The following RAD51D variants were observed in gnomAD, a reference collection of about 807,000 sequenced individuals.
The protein encoded by RAD51D is DNA repair protein RAD51 homolog 4.
RAD51D carries 38 observed loss-of-function variants against 44.1 expected under a neutral mutation model. That is an observed-to-expected ratio of 0.86 (90% confidence interval 0.67 to 1.13). The LOEUF is 1.13. RAD51D is among the 50% of genes most tolerant of loss of function. The pLI is 0.00. For missense variants in RAD51D, 390 were observed against 414.0 expected, an observed-to-expected ratio of 0.94 and a Z score of 0.50; for synonymous variants, 141 against 166.6, an observed-to-expected ratio of 0.85 and a Z score of 1.18.
intron 3 of RAD51D, among the ~76,000 whole-genome samples, chr17:35,116,258 C>T (rs1224489765): frequency 6.6e-6 from 1 of 152,174 alleles, no homozygotes; most frequent in Admixed American, 6.5e-5. Context: ...TGCCACCCTT[C>T]CACCCTGCAC....
rs921214343 is a variant in RAD51D, at chr17:35,107,012, A to G, written c.456T>C (p.Ala152=). ...TASRLLQLLQ[A]KTQDEEEQAE... ...CCTGTTCCTCCTCATCCTGGGTTTT[A>G]GCCTGAAGCAGCTGGAGGAGGCGGG... The change falls in exon 5 of 10, where the codon GCT becomes GCC. Residue 152 remains alanine (A), a synonymous_variant. Coordinates refer to ENST00000345365, the MANE Select transcript of RAD51D (RefSeq NM_002878.4). The G allele has an allele frequency of 2.5e-6, 4 of 1,614,178 alleles. No homozygotes were observed. Among genetic ancestry groups the G allele is most frequent in the Non-Finnish European group, 3.4e-6 (4 of 1,180,032 alleles).
chr17:35,100,823 T>A lies in RAD51D; in HGVS notation c.*130A>T, dbSNP rs28363292. ...GAGAGTGAGGCCAAGGAACCCAAGA[T>A]GTCTCTTCTGGCCAGCCTGAGAACG... On this transcript the variant is annotated 3_prime_UTR_variant, in exon 10 of 10. Transcript: ENST00000345365. 3.8e-6 allele frequency: 3 copies of A among 785,946 alleles called. No individual in the cohort carries two copies. The highest frequency in any genetic ancestry group is 4.5e-6 in the Non-Finnish European group (2 of 444,632). 48.7% of individuals were successfully genotyped at this position (785,946 alleles called of 1,614,324 possible).
rs531302645 is a variant in RAD51D at position 35,107,212 on chromosome 17, C to G, written c.346-90G>C. 7.0e-5 allele frequency: 108 copies of G among 1,541,272 alleles called. No homozygotes were observed. The African/African-American group carries it at 1.2e-3, about 17-fold the overall frequency. The stretch of plus-strand genomic sequence containing the variant: ...AAACCTTGCCCAGATTCCAGCAACA[C>G]AAATGGGCTGAGTCCCGACCCCATT... On this transcript the variant is annotated intron_variant, in intron 4 of 9. Transcript: ENST00000345365.
chr17:35,116,066 G>A (rs79636488), intron 3 of RAD51D, among the ~76,000 whole-genome samples: 5 of 100,644 alleles, frequency 5.0e-5, no homozygotes, highest in African/African-American at 1.7e-4. Context: ...TCCAAACTCC[G>A]ACAAAAAAAA....
At chr17:35,118,833 C>T (rs575686770) in intron 2 of RAD51D, among the ~76,000 whole-genome samples, 21 of 152,330 alleles carry the variant, frequency 1.4e-4, no homozygotes, top group African/African-American at 5.1e-4. Context: ...ACCTCTGCCT[C>T]CCGGGCTCAA....
rs2142436891 is a variant in RAD51D at position 35,107,405 on chromosome 17, C to G, written c.306G>C (p.Val102=). ...LLDAGLYTGE[V]TEIVGGPGSG... is the part of the protein sequence containing the mutation. ...TACCTGGGCCTCCTACAATTTCAGT[C>G]ACTTCTCCAGTATAGAGACCAGCAT... Residue 102 remains valine (V), a synonymous_variant, in exon 4 of 10, where the codon GTG becomes GTC. Coordinates refer to ENST00000345365, the MANE Select transcript of RAD51D (RefSeq NM_002878.4). 1 of 1,567,050 alleles carries G rather than the reference C, an allele frequency of 6.4e-7. No homozygotes were observed. Among genetic ancestry groups the G allele is most frequent in the Non-Finnish European group, 8.8e-7 (1 of 1,137,258 alleles).
intron 9 of RAD51D, 40 bp downstream of exon 9, chr17:35,101,161 A>C (rs2091531041): frequency 6.2e-7 from 1 of 1,613,144 alleles, no homozygotes; most frequent in Non-Finnish European, 8.5e-7. Flanking sequence ...ACCACCCTCC[A>C]GGGCCCAAGA....
At chr17:35,115,613 T>C (rs913044158) in intron 3 of RAD51D, among the ~76,000 whole-genome samples, 2 of 152,138 alleles carry the variant, frequency 1.3e-5, no homozygotes, top group African/African-American at 2.4e-5. Flanking sequence ...CTCACGCCTG[T>C]AATCCCAGCA....
At chr17:35,116,557 C>T (rs767272399) in intron 3 of RAD51D, among the ~76,000 whole-genome samples, 16 of 151,902 alleles carry the variant, frequency 1.1e-4, no homozygotes, top group Non-Finnish European at 1.8e-4. Context: ...TGCAGTGGTG[C>T]GATCTCCGCT....
rs370985702 is a variant in RAD51D at position 35,095,871 on chromosome 17, C to T, written c.*5082G>A. On this transcript the variant is annotated 3_prime_UTR_variant, in exon 10 of 10. Transcript: ENST00000345365. Reference sequence around the variant, plus strand: ...ACTGCAGCCTTAGTATGCAAACTAACTGAAAACCTAATTTAGGAGTATACT... The same window carrying T: ...ACTGCAGCCTTAGTATGCAAACTAATTGAAAACCTAATTTAGGAGTATACT... 1.3e-5 allele frequency: 2 copies of T among 152,310 alleles called. No homozygotes were observed. The highest frequency in any genetic ancestry group is 2.1e-4 in the South Asian group (1 of 4,830). The allele number at this position is 152,310 out of a possible 1,614,324, so 9.4% of individuals were successfully genotyped here. A position where few individuals can be genotyped will look rare whatever the true frequency, so the allele number is the denominator to read the frequency against.
rs1245108561 is a variant in RAD51D at position 35,097,218 on chromosome 17, C to A, written c.*3735G>T. ...CACTGCAACCTCCATCTCCCAGGTT[C>A]AAGCGATTCTCATGCCTCAGCCTCC... On this transcript the variant is annotated 3_prime_UTR_variant, in exon 10 of 10. Transcript: ENST00000345365. The A allele has an allele frequency of 6.6e-6, 1 of 152,146 alleles. No individual in the cohort carries two copies. The highest frequency in any genetic ancestry group is 6.6e-5 in the Admixed American group (1 of 15,250). The allele number at this position is 152,146 out of a possible 1,614,324, so 9.4% of individuals were successfully genotyped here.
rs561570054 is a variant in RAD51D at position 35,112,423 on chromosome 17, G to A, written c.264-4976C>T. On this transcript the variant is annotated intron_variant, in intron 3 of 9. Transcript: ENST00000345365. ...GAGACAGTTTCACTCTGTCACCCAG[G>A]TTGAAGTGCAGTGGCACAATATCCG... is the stretch of plus-strand genomic sequence containing the variant. Among the ~76,000 whole-genome samples, 35 of 152,080 alleles carry A rather than the reference G, an allele frequency of 2.3e-4. 1 individual carries two copies. The East Asian group carries it at 4.2e-3, about 18-fold the overall frequency.
At position 35,096,804 on chromosome 17, in the gene RAD51D, T is replaced by G. The variant is rs1020603559; in HGVS notation, c.*4149A>C. 2 of 152,196 alleles carry G rather than the reference T, an allele frequency of 1.3e-5. No homozygotes were observed. The highest frequency in any genetic ancestry group is 2.9e-5 in the Non-Finnish European group (2 of 68,038). The allele number at this position is 152,196 out of a possible 1,614,324, so 9.4% of individuals were successfully genotyped here. ...TGAGCTTGGGAGGTAGAGGGTACAG[T>G]GAGCCGTGATTGTGCCACTGCACTC... On this transcript the variant is annotated 3_prime_UTR_variant, in exon 10 of 10. Coordinates refer to ENST00000345365, the MANE Select transcript of RAD51D (RefSeq NM_002878.4).
rs143152962 is a variant in RAD51D, at chr17:35,096,508, C to T, written c.*4445G>A. Reference sequence around the variant, plus strand: ...AGAGCAGAAGGATGCAAAGGCTCTACGCCATTTGACAATGAGCCACTAAAT... The same window carrying T: ...AGAGCAGAAGGATGCAAAGGCTCTATGCCATTTGACAATGAGCCACTAAAT... On this transcript the variant is annotated 3_prime_UTR_variant, in exon 10 of 10. Transcript: ENST00000345365. 6.6e-6 allele frequency: 1 copy of T among 152,238 alleles called. No individual in the cohort carries two copies. The highest frequency in any genetic ancestry group is 1.5e-5 in the Non-Finnish European group (1 of 68,058). 9.4% of individuals were successfully genotyped at this position (152,238 alleles called of 1,614,324 possible). A position where few individuals can be genotyped will look rare whatever the true frequency, so the allele number is the denominator to read the frequency against.
chr17:35,106,628 G>A (rs2091608024), intron 5 of RAD51D, 147 bp from the exon 6 acceptor site: 2 of 718,424 alleles, frequency 2.8e-6, no homozygotes, highest in Admixed American at 4.0e-5. Context: ...TTGTCACAGT[G>A]GTGGCTGCCT....
rs1004854098 is a variant in RAD51D at position 35,095,821 on chromosome 17, G to A, written c.*5132C>T. On this transcript the variant is annotated 3_prime_UTR_variant, in exon 10 of 10. Transcript: ENST00000345365. ...AAAAGAAAAAAAAAATTGACCTGAG[G>A]AGGCTTTACTTGGGCCCTTAACAAA... 5.3e-5 allele frequency: 8 copies of A among 152,172 alleles called. No homozygotes were observed. Among genetic ancestry groups the A allele is most frequent in the Non-Finnish European group, 8.8e-5 (6 of 68,058 alleles). 9.4% of individuals were successfully genotyped at this position (152,172 alleles called of 1,614,324 possible).
At chr17:35,108,912 G>A (rs2091643397) in intron 3 of RAD51D, among the ~76,000 whole-genome samples, 1 of 148,460 alleles carries the variant, frequency 6.7e-6, no homozygotes, top group African/African-American at 2.5e-5. Flanking sequence ...TGTCGCCCAG[G>A]CTGGAGTGCA....
At chr17:35,117,678 C>T (rs565296381) in intron 3 of RAD51D, among the ~76,000 whole-genome samples, 2 of 152,192 alleles carry the variant, frequency 1.3e-5, no homozygotes, top group East Asian at 1.9e-4. Flanking sequence ...TTAGTAGAGA[C>T]GGGGTTTCAT....
intron 3 of RAD51D, among the ~76,000 whole-genome samples, chr17:35,108,991 C>A (rs780227459): frequency 6.6e-6 from 1 of 151,926 alleles, no homozygotes; most frequent in South Asian, 2.1e-4. Context: ...CTCAGCCTCC[C>A]GAGTACCTGG....
Sources: gnomAD v4.1 joint callset for allele counts (sites outside exome capture counted in the v4.1 genomes callset) on GRCh38, gnomAD v4.1.1 for gene constraint, MANE v1.5 for transcripts, NCBI Gene and HGNC (gene_info 2026-07-23, HGNC 2026-07-21) for gene names.